Variants in ASTN1 observed in about 807,000 individuals in gnomAD.
ASTN1 encodes the protein astrotactin-1.
ASTN1 carries 41 observed loss-of-function variants against 140.7 expected under a neutral mutation model. The ratio of observed to expected loss-of-function variants is 0.29; its 90% CI spans 0.23 to 0.38. ASTN1 has a LOEUF of 0.38. Ranked by LOEUF, ASTN1 falls within the 10% of genes least tolerant of loss-of-function variation. The probability of loss-of-function intolerance (pLI) is 1.00; values close to 1 mark genes in which losing one functional copy is unlikely to be tolerated. For missense variants in ASTN1, 1,479 were observed against 1,678.8 expected, an observed-to-expected ratio of 0.88 and a Z score of 2.08; for synonymous variants, 640 against 652.2, an observed-to-expected ratio of 0.98 and a Z score of 0.29.
At chr1:177,038,951 A>G (rs1676853205) in intron 2 of ASTN1, among the ~76,000 whole-genome samples, 1 of 152,210 alleles carries the variant, frequency 6.6e-6, no homozygotes, top group Non-Finnish European at 1.5e-5. Flanking sequence ...TACTCTGGTA[A>G]CACCCCCATG....
intron 8 of ASTN1, among the ~76,000 whole-genome samples, chr1:176,982,528 G>A (rs1433395477): frequency 6.6e-6 from 1 of 152,098 alleles, no homozygotes; most frequent in South Asian, 2.1e-4. Flanking sequence ...ACAGGTTCTC[G>A]GGTCTACAAC....
chr1:177,018,229 G>A (rs1675652748), intron 7 of ASTN1, among the ~76,000 whole-genome samples: 1 of 152,172 alleles, frequency 6.6e-6, no homozygotes, highest in Non-Finnish European at 1.5e-5. Flanking sequence ...CATCCTAAAG[G>A]AAGGTGCTTT....
chr1:177,111,755 GACA>G (rs1315894394), intron 1 of ASTN1, among the ~76,000 whole-genome samples: 1 of 152,142 alleles, frequency 6.6e-6, no homozygotes, highest in Admixed American at 6.5e-5. Flanking sequence ...CAAACATCTA[GACA>G]ACTGCTGGGC....
intron 1 of ASTN1, among the ~76,000 whole-genome samples, chr1:177,152,214 A>T (rs1158582630): frequency 1.3e-5 from 2 of 152,150 alleles, no homozygotes; most frequent in Non-Finnish European, 2.9e-5. Context: ...ACTCCAAAAG[A>T]TGCTACATGT....
chr1:177,091,904 T>C (rs1679772815), intron 1 of ASTN1, among the ~76,000 whole-genome samples: 1 of 152,054 alleles, frequency 6.6e-6, no homozygotes, highest in South Asian at 2.1e-4. Context: ...TGTGTTGATA[T>C]AACACACTTG....
At chr1:177,125,686 A>G (rs1012137305) in intron 1 of ASTN1, among the ~76,000 whole-genome samples, 1 of 152,230 alleles carries the variant, frequency 6.6e-6, no homozygotes, top group Admixed American at 6.5e-5. Flanking sequence ...CACCAAGTAT[A>G]TTACACGAAG....
intron 2 of ASTN1, among the ~76,000 whole-genome samples, chr1:177,037,807 T>A (rs1676793645): frequency 6.6e-6 from 1 of 152,228 alleles, no homozygotes; most frequent in Non-Finnish European, 1.5e-5. Context: ...GAAACCCACA[T>A]CTATTAACGA....
intron 17 of ASTN1, among the ~76,000 whole-genome samples, chr1:176,893,814 G>A (rs1571469025): frequency 6.6e-6 from 1 of 152,218 alleles, no homozygotes; most frequent in Non-Finnish European, 1.5e-5. Flanking sequence ...CTTTGTGTTT[G>A]GACTCACTCT....
At chr1:177,038,664 A>G (rs1676839807) in intron 2 of ASTN1, among the ~76,000 whole-genome samples, 1 of 152,186 alleles carries the variant, frequency 6.6e-6, no homozygotes. Flanking sequence ...TTTATTACTA[A>G]ATCATTCAAT....
intron 1 of ASTN1, among the ~76,000 whole-genome samples, chr1:177,119,154 G>A (rs1401126395): frequency 6.6e-6 from 1 of 152,026 alleles, no homozygotes; most frequent in African/African-American, 2.4e-5. Context: ...GTAACTTTTT[G>A]TTTCTTTGGC....
At chr1:177,006,706 C>G (rs993917270) in intron 8 of ASTN1, among the ~76,000 whole-genome samples, 2 of 152,052 alleles carry the variant, frequency 1.3e-5, no homozygotes, top group South Asian at 2.1e-4. Context: ...TATGAGTGTT[C>G]CCGCCTCTGG....
intron 16 of ASTN1, among the ~76,000 whole-genome samples, chr1:176,931,218 G>T (rs1045390831): frequency 6.6e-6 from 1 of 152,304 alleles, no homozygotes; most frequent in South Asian, 2.1e-4. Flanking sequence ...TGTAATCCCA[G>T]CACTTTGGGA....
chr1:177,158,686 GTGTGTGTA>G, intron 1 of ASTN1, among the ~76,000 whole-genome samples: 1 of 151,546 alleles, frequency 6.6e-6, no homozygotes. Context: ...GTGTGTGTGT[GTGTGTGTA>G]TGATATATAT....
intron 5 of ASTN1, among the ~76,000 whole-genome samples, chr1:177,025,297 C>T (rs1343644716): frequency 2.0e-5 from 3 of 152,064 alleles, no homozygotes; most frequent in Non-Finnish European, 4.4e-5. Context: ...TATGAGCAGA[C>T]AACATTGTCA....
At chr1:177,059,691 A>G (rs1305011529) in intron 2 of ASTN1, among the ~76,000 whole-genome samples, 1 of 152,238 alleles carries the variant, frequency 6.6e-6, no homozygotes, top group African/African-American at 2.4e-5. Context: ...AGATTTTATC[A>G]GAGATTTTAT....
intron 18 of ASTN1, among the ~76,000 whole-genome samples, chr1:176,886,698 C>T (rs1471238838): frequency 6.6e-6 from 1 of 152,218 alleles, no homozygotes; most frequent in Non-Finnish European, 1.5e-5. Flanking sequence ...CTTGCTCTGT[C>T]CTGGCCCTTT....
chr1:177,047,776 G>C (rs1020670401), intron 2 of ASTN1, among the ~76,000 whole-genome samples: 2 of 152,190 alleles, frequency 1.3e-5, no homozygotes, highest in African/African-American at 4.8e-5. Context: ...GCCATGCTGG[G>C]CATAAGGACA....
At chr1:176,869,171 T>C (rs1460746431) in intron 21 of ASTN1, 144 bp from the exon 22 acceptor site, 2 of 487,570 alleles carry the variant, frequency 4.1e-6, no homozygotes, top group Non-Finnish European at 6.5e-6. Context: ...ATAATATGCA[T>C]ATATATCATA....
chr1:177,160,748 A>C (rs1647308933), intron 1 of ASTN1, among the ~76,000 whole-genome samples: 1 of 152,224 alleles, frequency 6.6e-6, no homozygotes, highest in Non-Finnish European at 1.5e-5. Context: ...CAAATCTCTT[A>C]AATCTCCTGA....
Sources: allele counts gnomAD v4.1 joint callset (sites outside exome capture counted in the v4.1 genomes callset), GRCh38; gene constraint gnomAD v4.1.1; transcripts MANE v1.5; gene names NCBI Gene and HGNC (gene_info 2026-07-23, HGNC 2026-07-21).